The following SCN11A variants were observed in gnomAD, a reference collection of about 807,000 sequenced individuals.
The protein encoded by SCN11A is sodium voltage-gated channel alpha subunit 11.
SCN11A carries 122 observed loss-of-function variants against 162.2 expected under a neutral mutation model. The ratio of observed to expected loss-of-function variants is 0.75; its 90% CI spans 0.65 to 0.87. SCN11A has a LOEUF of 0.87. Among genes scored for constraint, SCN11A ranks in the 40% least tolerant of loss-of-function variants. The probability of loss-of-function intolerance (pLI) is 0.00; values close to 1 mark genes in which losing one functional copy is unlikely to be tolerated. For missense variants in SCN11A, 2,015 were observed against 2,181.6 expected (o/e 0.92, Z 1.52); for synonymous variants, 758 against 751.5 (o/e 1.01, Z -0.14).
chr3:38,933,989 C>T (rs1254205844), intron 7 of SCN11A, among the ~76,000 whole-genome samples: 1 of 152,174 alleles, frequency 6.6e-6, no homozygotes, highest in Admixed American at 6.5e-5. Flanking sequence ...GTCGGGTTAC[C>T]CACAAAGGGA....
chr3:38,965,261 G>T (rs972298644), intron 2 of SCN11A, among the ~76,000 whole-genome samples: 9 of 152,162 alleles, frequency 5.9e-5, no homozygotes, highest in Non-Finnish European at 1.0e-4. Context: ...CTTAATAATT[G>T]TTTGTGAATA....
At chr3:38,948,009 G>A (rs1244097621) in intron 5 of SCN11A, among the ~76,000 whole-genome samples, 1 of 152,208 alleles carries the variant, frequency 6.6e-6, no homozygotes, top group African/African-American at 2.4e-5. Flanking sequence ...GTGCCAGAAC[G>A]TCAGCCACTG....
At chr3:38,895,823 C>G (rs1456816949) in intron 18 of SCN11A, among the ~76,000 whole-genome samples, 2 of 152,098 alleles carry the variant, frequency 1.3e-5, no homozygotes, top group African/African-American at 4.8e-5. Flanking sequence ...CGGTGCTCTC[C>G]TCCCACTCCC....
chr3:38,928,731 G>A (rs1297905417), intron 7 of SCN11A, among the ~76,000 whole-genome samples: 2 of 152,044 alleles, frequency 1.3e-5, no homozygotes, highest in African/African-American at 4.8e-5. Context: ...AAACCACAAA[G>A]AGATGACCTC....
Position 38,921,216 on chromosome 3 carries a change from T to C in SCN11A, c.752A>G (p.Lys251Arg). The C allele has an allele frequency of 6.2e-7, 1 of 1,614,092 alleles. No homozygotes were observed. The stretch of plus-strand genomic sequence containing the variant: ...GAGGATAATCACGTTGACCAGCTTC[T>C]TCACAGAGCGTAGCAAGGCCCCCAC... Reference protein sequence around the residue: ...VIVGALLRSVKKLVNVIILTF... With the variant: ...VIVGALLRSVRKLVNVIILTF... Residue 251 changes from lysine to arginine, a missense_variant, in exon 10 of 30, where the codon AAG becomes AGG. Lys to Arg is a conservative substitution (Grantham distance 26). Coordinates refer to ENST00000302328, the MANE Select transcript of SCN11A (RefSeq NM_001349253.2).
At position 38,938,713 on chromosome 3, in the gene SCN11A, T is replaced by C. The variant is rs2066393975; in HGVS notation, c.488+6698A>G. On this transcript the variant is annotated intron_variant, in intron 7 of 29. Transcript: ENST00000302328. The stretch of plus-strand genomic sequence containing the variant: ...CTGAGTAGCTGGGATTACAGGCATG[T>C]GCCACCATGCCCGGCTAATTTTGTA... Among the ~76,000 whole-genome samples the C allele has an allele frequency of 2.0e-5, 3 of 150,406 alleles. 1 individual carries two copies. The highest frequency in any genetic ancestry group is 2.0e-4 in the Admixed American group (3 of 15,112).
chr3:38,918,886 A>G (rs1449833465), intron 11 of SCN11A, among the ~76,000 whole-genome samples: 1 of 152,230 alleles, frequency 6.6e-6, no homozygotes, highest in Non-Finnish European at 1.5e-5. Flanking sequence ...CAGCAGGAAT[A>G]CATTCTAAGA....
chr3:39,048,778 C>CT (rs905375199), intron 1 of SCN11A, among the ~76,000 whole-genome samples: 2 of 152,174 alleles, frequency 1.3e-5, no homozygotes, highest in African/African-American at 4.8e-5. Context: ...AGCATTATAG[C>CT]TTTCAACCAG....
chr3:38,964,258 T>C (rs1292250254), intron 2 of SCN11A, among the ~76,000 whole-genome samples: 1 of 152,216 alleles, frequency 6.6e-6, no homozygotes, highest in Non-Finnish European at 1.5e-5. Flanking sequence ...GTCTCAGTTC[T>C]GCCGTCTGAT....
At chr3:39,029,766 C>T (rs1439806930) in intron 2 of SCN11A, among the ~76,000 whole-genome samples, 1 of 152,192 alleles carries the variant, frequency 6.6e-6, no homozygotes, top group African/African-American at 2.4e-5. Context: ...CAATATTTAC[C>T]ATTCAAAGGC....
At chr3:38,862,981 T>C (rs939534513) in intron 28 of SCN11A, among the ~76,000 whole-genome samples, 2 of 152,196 alleles carry the variant, frequency 1.3e-5, no homozygotes, top group African/African-American at 4.8e-5. Context: ...ACATATTGCC[T>C]GGCTCACTCA....
chr3:38,850,320 C>T (rs1354433759), intron 29 of SCN11A, 161 bp downstream of exon 29: 1 of 636,354 alleles, frequency 1.6e-6, no homozygotes, highest in African/African-American at 1.8e-5. Flanking sequence ...CTAGCAACTT[C>T]CCAGTAGAGA....
intron 4 of SCN11A, among the ~76,000 whole-genome samples, chr3:38,952,151 C>T (rs114543735): frequency 0.016 from 2,435 of 152,136 alleles, 68 homozygotes; most frequent in African/African-American, 0.056. Flanking sequence ...CCTTAAGAGC[C>T]GTAACACTCA....
chr3:38,908,894 A>T, intron 13 of SCN11A, 103 bp downstream of exon 13: 1 of 925,422 alleles, frequency 1.1e-6, no homozygotes, highest in Non-Finnish European at 1.7e-6. Flanking sequence ...GAAAGCACTG[A>T]GACCAGGCCA....
intron 2 of SCN11A, among the ~76,000 whole-genome samples, chr3:38,984,943 G>C (rs1348595602): frequency 1.3e-5 from 2 of 151,334 alleles, no homozygotes; most frequent in Admixed American, 6.6e-5. Context: ...AGTGTGACTA[G>C]AGTTGAGTGA....
At chr3:38,880,244 G>A in intron 22 of SCN11A, 121 bp from the exon 23 acceptor site, 1 of 662,600 alleles carries the variant, frequency 1.5e-6, no homozygotes, top group Middle Eastern at 4.3e-4. Flanking sequence ...TCGTAATGAG[G>A]TTCTGCTCAA....
At chr3:39,014,182 T>G (rs2125603955) in intron 2 of SCN11A, among the ~76,000 whole-genome samples, 1 of 152,318 alleles carries the variant, frequency 6.6e-6, no homozygotes. Flanking sequence ...ACTGACCTTT[T>G]CTACTGAACA....
chr3:38,927,072 C>CA (rs1484318209), intron 7 of SCN11A, 141 bp from the exon 8 acceptor site: 2 of 743,424 alleles, frequency 2.7e-6, no homozygotes, highest in Non-Finnish European at 4.3e-6. Flanking sequence ...AACCAGAGTT[C>CA]AAAAATGCAA....
At chr3:38,929,657 AG>A (rs902721295) in intron 7 of SCN11A, among the ~76,000 whole-genome samples, 1 of 152,124 alleles carries the variant, frequency 6.6e-6, no homozygotes, top group African/African-American at 2.4e-5. Context: ...TCCCTCCAAA[AG>A]TCATGTTGAA....
Sources: gnomAD v4.1 joint callset for allele counts (sites outside exome capture counted in the v4.1 genomes callset) on GRCh38, gnomAD v4.1.1 for gene constraint, MANE v1.5 for transcripts, NCBI Gene and HGNC (gene_info 2026-07-23, HGNC 2026-07-21) for gene names.